MBD6: variants seen among roughly 807,000 people sequenced by gnomAD.
MBD6 encodes the protein methyl-CpG binding domain protein 6, also known as methyl-CpG-binding domain protein 6.
MBD6 carries 22 observed loss-of-function variants against 66.8 expected under a neutral mutation model. The observed-to-expected ratio is 0.33, with a 90% confidence interval of 0.24 to 0.47. The LOEUF (loss-of-function observed/expected upper bound fraction) is 0.47. Among genes scored for constraint, MBD6 ranks in the 20% least tolerant of loss-of-function variants. The pLI, the probability that MBD6 is intolerant of heterozygous loss-of-function variation, is 1.00. For synonymous variants in MBD6, 540 were observed against 534.6 expected (o/e 1.01, Z -0.14); for missense variants, 1,322 against 1,286.9 (o/e 1.03, Z -0.42).
At position 57,529,418 on chromosome 12, in the gene MBD6, ACCCCCCCCCACCACC is replaced by A. The variant is rs1359700520; in HGVS notation, c.*190_*204del. On this transcript the variant is annotated 3_prime_UTR_variant, in exon 13 of 13. Coordinates refer to ENST00000355673, the MANE Select transcript of MBD6 (RefSeq NM_052897.4). ...GCCATTGCAGGGGGCAGGGAAGTTC[ACCCCCCCCCACCACC>A]CCCCCGCCCCCCCGAAGCCATGTCA... 5 of 350,074 alleles carry A rather than the reference ACCCCCCCCCACCACC, an allele frequency of 1.4e-5. No individual in the cohort carries two copies. The highest frequency in any genetic ancestry group is 3.9e-5 in the South Asian group (1 of 25,796). 21.7% of individuals were successfully genotyped at this position (350,074 alleles called of 1,614,324 possible). A position where few individuals can be genotyped will look rare whatever the true frequency, so the allele number is the denominator to read the frequency against.
rs547457236 is a variant in MBD6, at chr12:57,529,653, C to T, written c.*419C>T. The T allele has an allele frequency of 1.0e-4, 19 of 183,666 alleles. No individual in the cohort carries two copies. In the East Asian group the frequency reaches 2.5e-3, roughly 24 times the overall value. The allele number at this position is 183,666 out of a possible 1,614,324, so 11.4% of individuals were successfully genotyped here. On this transcript the variant is annotated 3_prime_UTR_variant, in exon 13 of 13. Coordinates refer to ENST00000355673, the MANE Select transcript of MBD6 (RefSeq NM_052897.4). ...CAAACCTGTGAGCTACTGTTGGCTG[C>T]TGCCCTCCTTCCCAGTGAAAGGTAC...
Position 57,526,229 on chromosome 12 carries a change from C to A in MBD6, c.1261C>A (p.Pro421Thr). ...GCTGTCCCTGCTGGGACTCCCCACC[C>A]CTGGCCCTTCCCACTCTGATGGAAG... ...SVLSLLGLPT[P>T]GPSHSDGSFN... Residue 421 changes from proline to threonine, a missense_variant, in exon 6 of 13, where the codon CCT (proline) becomes ACT (threonine). Transcript: ENST00000355673. The A allele has an allele frequency of 1.9e-6, 3 of 1,614,140 alleles. No homozygotes were observed. The highest frequency in any genetic ancestry group is 2.5e-6 in the Non-Finnish European group (3 of 1,180,024).
chr12:57,526,161 C>G lies in MBD6; in HGVS notation c.1193C>G (p.Pro398Arg), dbSNP rs144922560. 63 of 1,614,196 alleles carry G rather than the reference C, an allele frequency of 3.9e-5. No homozygotes were observed. In the African/African-American group the frequency reaches 5.9e-4, roughly 15 times the overall value. ...CGGGCCCCTGCTCCTGTCCCCCAAC[C>G]CTTTTCTCTCCCGGAGCCATCCCAA... ...RPRAPAPVPQ[P>R]FSLPEPSQPI... Residue 398 changes from proline to arginine, a missense_variant, in exon 6 of 13, where the codon CCC becomes CGC. Coordinates refer to ENST00000355673, the MANE Select transcript of MBD6 (RefSeq NM_052897.4).
rs770383781 is a variant in MBD6, at chr12:57,525,109, TCTC to T, written c.376_378del (p.Pro126del). The stretch of plus-strand genomic sequence containing the variant: ...CATGGAGACCACCTGCTCACACTCT[TCTC>T]CTGGTGAGTCTTCTGCCACTTTACA... On this transcript the variant is annotated inframe_deletion, in exon 5 of 13. Coordinates refer to ENST00000355673, the MANE Select transcript of MBD6 (RefSeq NM_052897.4). 7 of 1,606,692 alleles carry T rather than the reference TCTC, an allele frequency of 4.4e-6. No individual in the cohort carries two copies. Among genetic ancestry groups the T allele is most frequent in the South Asian group, 2.2e-5 (2 of 90,506 alleles).
rs1878913862 is a variant in MBD6 at position 57,526,049 on chromosome 12, C to T, written c.1081C>T (p.Pro361Ser). The change falls in exon 6 of 13, where the codon CCC becomes TCC. Residue 361 changes from proline to serine, a missense_variant. By Grantham distance (74) the Pro-to-Ser change is moderately conservative. Coordinates refer to ENST00000355673, the MANE Select transcript of MBD6 (RefSeq NM_052897.4). ...PSASHSSSLRPSQRRPRRPPT... is the reference protein window; with the variant it reads ...PSASHSSSLRSSQRRPRRPPT... ...AGCTTCCCACTCCTCATCACTTCGTCCCTCTCAGCGTCGTCCCCGCAGACC... is the reference window on the plus strand; with the variant it reads ...AGCTTCCCACTCCTCATCACTTCGTTCCTCTCAGCGTCGTCCCCGCAGACC... The T allele has an allele frequency of 1.9e-6, 3 of 1,613,946 alleles. No individual in the cohort carries two copies. The highest frequency in any genetic ancestry group is 2.7e-5 in the African/African-American group (2 of 74,896).
Position 57,525,698 on chromosome 12 carries a change from T to G in MBD6, c.730T>G (p.Ser244Ala), listed in dbSNP as rs769799896. ...CAGCCTGGTGCCCTCTGACCTGGGC[T>G]CTCCTCCGGCCCCTCATGCCTCCTC... ...RSSLVPSDLG[S>A]PPAPHASSSP... Residue 244 changes from serine (S) to alanine (A), a missense_variant, in exon 6 of 13, where the codon TCT becomes GCT. Coordinates refer to ENST00000355673, the MANE Select transcript of MBD6 (RefSeq NM_052897.4). 2.2e-5 allele frequency: 35 copies of G among 1,613,944 alleles called. 2 individuals are homozygous for G. In the Middle Eastern group the frequency reaches 3.1e-3, roughly 145 times the overall value.
intron 7 of MBD6, 81 bp from the exon 8 acceptor site, chr12:57,527,422 TTCAG>T (rs1391637291): frequency 6.6e-7 from 1 of 1,506,238 alleles, no homozygotes. Flanking sequence ...CACTTGAGGC[TTCAG>T]TCAGATAGTG....
At chr12:57,531,526 A>G (rs1457358637), downstream of MBD6, among the ~76,000 whole-genome samples, 1 of 152,168 alleles carries the variant, frequency 6.6e-6, no homozygotes, top group African/African-American at 2.4e-5. Flanking sequence ...TAAAAATAAA[A>G]AACAATAAGA....
rs1448528784 is a variant in MBD6 at position 57,522,985 on chromosome 12, G to A, written c.-115G>A. On this transcript the variant is annotated 5_prime_UTR_variant, in exon 1 of 13. Transcript: ENST00000355673. ...ACCCTCTGGGCCGCGACTGCGCAGG[G>A]CGGGGCCGGCCGAACCATGGGCCGC... 1 of 144,056 alleles carries A rather than the reference G, an allele frequency of 6.9e-6. No homozygotes were observed. Among genetic ancestry groups the A allele is most frequent in the Admixed American group, 6.8e-5 (1 of 14,770 alleles). The allele number at this position is 144,056 out of a possible 1,614,324, so 8.9% of individuals were successfully genotyped here.
chr12:57,525,297 G>T (rs1233996314), intron 5 of MBD6, 51 bp from the exon 6 acceptor site: 1 of 1,529,270 alleles, frequency 6.5e-7, no homozygotes, highest in East Asian at 2.3e-5. Context: ...AGACAAAAGA[G>T]TTTTTGGAAG....
In MBD6 at chr12:57,528,260, T is replaced by C; in HGVS notation, c.2520T>C (p.Ser840=). ...GTGCCTTAGCCCCACCCCATGGTTC[T>C]CCCGACCCCCCAGTCCCTGAGCTGC... The part of the protein sequence containing the change: ...PLSALAPPHG[S]PDPPVPELLT... The change falls in exon 10 of 13, where the codon TCT becomes TCC. Residue 840 remains serine, a synonymous_variant. Coordinates refer to ENST00000355673, the MANE Select transcript of MBD6 (RefSeq NM_052897.4). The C allele has an allele frequency of 6.2e-7, 1 of 1,605,118 alleles. No homozygotes were observed. The highest frequency in any genetic ancestry group is 1.1e-5 in the South Asian group (1 of 89,968).
downstream of MBD6, chr12:57,530,654 A>G (rs769755388): frequency 6.5e-7 from 1 of 1,531,052 alleles, no homozygotes; most frequent in South Asian, 1.1e-5. Context: ...TCACAGGGGT[A>G]GGGATAACCC....
intron 6 of MBD6, 60 bp from the exon 7 acceptor site, chr12:57,526,506 C>G: frequency 6.6e-7 from 1 of 1,510,990 alleles, no homozygotes; most frequent in Non-Finnish European, 8.8e-7. Context: ...GGGAGGTTGG[C>G]TTCTTTGGAT....
upstream of MBD6, chr12:57,522,747 G>A (rs1182643185): frequency 1.1e-4 from 11 of 96,328 alleles, no homozygotes; most frequent in South Asian, 1.5e-3. Context: ...TGCGGCGGCG[G>A]CTGCGGCAGC....
upstream of MBD6, among the ~76,000 whole-genome samples, chr12:57,522,441 C>T (rs1456901013): frequency 6.6e-6 from 1 of 152,184 alleles, no homozygotes; most frequent in African/African-American, 2.4e-5. Context: ...CTGGCCCCTC[C>T]CGGACCTGGC....
Position 57,529,418 on chromosome 12 carries a change from A to ACCCCCCCCAC in MBD6, c.*192_*193insACCCCCCCCC, listed in dbSNP as rs1879376675. On this transcript the variant is annotated 3_prime_UTR_variant, in exon 13 of 13. Transcript: ENST00000355673. ...GCCATTGCAGGGGGCAGGGAAGTTC[A>ACCCCCCCCAC]CCCCCCCCCACCACCCCCCCGCCCC... 3 of 333,356 alleles carry ACCCCCCCCAC rather than the reference A, an allele frequency of 9.0e-6. No individual in the cohort carries two copies. The highest frequency in any genetic ancestry group is 4.7e-5 in the East Asian group (1 of 21,228). The allele number at this position is 333,356 out of a possible 1,614,324, so 20.6% of individuals were successfully genotyped here.
At position 57,526,276 on chromosome 12, in the gene MBD6, T is replaced by G; in HGVS notation, c.1308T>G (p.Asp436Glu). ...GAAGCTTTAACCTTTTGGGGTCAGA[T>G]GCACACCTTCCTCCTCCCCCAACCC... ...SDGSFNLLGS[D>E]AHLPPPPTLS... The change falls in exon 6 of 13, where the codon GAT becomes GAG. Residue 436 changes from aspartate (D) to glutamate (E), a missense_variant. Physicochemically the swap from Asp to Glu is conservative, Grantham distance 45 (BLOSUM62 2). Transcript: ENST00000355673. 1 of 1,613,576 alleles carries G rather than the reference T, an allele frequency of 6.2e-7. No homozygotes were observed.
At position 57,525,746 on chromosome 12, in the gene MBD6, C is replaced by G. The variant is rs139232639; in HGVS notation, c.778C>G (p.Leu260Val). The G allele has an allele frequency of 9.2e-4, 1,483 of 1,614,056 alleles. 36 individuals are homozygous for G. The East Asian group carries it at 0.026, about 29-fold the overall frequency. Residue 260 changes from leucine to valine, a missense_variant, in exon 6 of 13, where the codon CTC becomes GTC. Physicochemically the swap from Leu to Val is conservative, Grantham distance 32 (BLOSUM62 1). Transcript: ENST00000355673. ...ASSSPPSDPP[L>V]FHCSDALTPP... ...CTCCTCACCACCTTCAGACCCTCCT[C>G]TCTTCCACTGTAGTGATGCCTTAAC...
At position 57,525,082 on chromosome 12, in the gene MBD6, A is replaced by C. The variant is rs1051238349; in HGVS notation, c.346A>C (p.Ser116Arg). The C allele has an allele frequency of 1.3e-5, 21 of 1,611,596 alleles. No individual in the cohort carries two copies. The highest frequency in any genetic ancestry group is 5.4e-5 in the African/African-American group (4 of 74,716). ...KAVAMATLYR[S>R]METTCSHSSP... is the part of the protein sequence containing the mutation. Reference sequence around the variant, plus strand: ...TGTTGCTATGGCAACTCTGTACCGCAGCATGGAGACCACCTGCTCACACTC... The same window carrying C: ...TGTTGCTATGGCAACTCTGTACCGCCGCATGGAGACCACCTGCTCACACTC... Residue 116 changes from serine to arginine, a missense_variant, in exon 5 of 13, where the codon AGC (serine) becomes CGC (arginine). By Grantham distance (110) the Ser-to-Arg change is moderately radical (BLOSUM62 -1). Transcript: ENST00000355673.
Sources: gnomAD v4.1 joint callset for allele counts (sites outside exome capture counted in the v4.1 genomes callset) on GRCh38, gnomAD v4.1.1 for gene constraint, MANE v1.5 for transcripts, NCBI Gene and HGNC (gene_info 2026-07-23, HGNC 2026-07-21) for gene names.